The following DCUN1D5 variants were observed in gnomAD, a reference collection of about 807,000 sequenced individuals.
DCUN1D5 encodes defective in cullin neddylation 1 domain containing 5.
In DCUN1D5, 10 loss-of-function variants were observed where a neutral mutation model predicts 38.3. That is an observed-to-expected ratio of 0.26 (90% CI 0.16 to 0.44). DCUN1D5 has a LOEUF of 0.44. DCUN1D5 is among the 20% of genes least tolerant of loss of function. The probability of loss-of-function intolerance (pLI) is 1.00; values close to 1 mark genes in which losing one functional copy is unlikely to be tolerated. For synonymous variants in DCUN1D5, 93 were observed against 90.9 expected (o/e 1.02, Z -0.13); for missense variants, 148 against 275.3 (o/e 0.54, Z 3.27).
At chr11:103,072,343 T>TCTAGATCTAGATCTAGAA (rs540897212) in intron 4 of DCUN1D5, among the ~76,000 whole-genome samples, 5,457 of 82,580 alleles carry the variant, frequency 0.066, 296 homozygotes, top group African/African-American at 0.24. Flanking sequence ...TAGAACTAGA[T>TCTAGATCTAGATCTAGAA]CTAGATCTAG....
rs1313396365 is a variant in DCUN1D5 at position 103,089,141 on chromosome 11, C to T, written c.178+86G>A. The T allele has an allele frequency of 2.3e-6, 3 of 1,323,650 alleles. No homozygotes were observed. The African/African-American group carries it at 4.4e-5, about 19-fold the overall frequency. The allele number at this position is 1,323,650 out of a possible 1,614,324, so 82.0% of individuals were successfully genotyped here. A position where few individuals can be genotyped will look rare whatever the true frequency, so the allele number is the denominator to read the frequency against. ...GTACACAGCACTAACACATAGCAGG[C>T]CTGTAACAGATAATTTGTTAAATGA... On this transcript the variant is annotated intron_variant, in intron 2 of 7. Coordinates refer to ENST00000260247, the MANE Select transcript of DCUN1D5 (RefSeq NM_032299.4).
At chr11:103,067,917 G>A (rs754057369) in intron 4 of DCUN1D5, among the ~76,000 whole-genome samples, 5 of 151,690 alleles carry the variant, frequency 3.3e-5, no homozygotes, top group Non-Finnish European at 7.4e-5. Context: ...TTTCCCCCCC[G>A]TTTTTTGAAA....
chr11:103,052,570 C>T lies in DCUN1D5; in HGVS notation c.*9789G>A, dbSNP rs1315203467. The T allele has an allele frequency of 6.6e-6, 1 of 152,102 alleles. No homozygotes were observed. Among genetic ancestry groups the T allele is most frequent in the Non-Finnish European group, 1.5e-5 (1 of 68,010 alleles). 9.4% of individuals were successfully genotyped at this position (152,102 alleles called of 1,614,324 possible). Reference sequence around the variant, plus strand: ...GTGTAATAAGAGGGCATAGCAAAGCCTGGGCCTATGGATATTTATTGGATA... The same window carrying T: ...GTGTAATAAGAGGGCATAGCAAAGCTTGGGCCTATGGATATTTATTGGATA... On this transcript the variant is annotated 3_prime_UTR_variant, in exon 8 of 8. Coordinates refer to ENST00000260247, the MANE Select transcript of DCUN1D5 (RefSeq NM_032299.4).
chr11:103,089,139 G>C (rs1157378183), intron 2 of DCUN1D5, 88 bp downstream of exon 2: 2 of 1,310,742 alleles, frequency 1.5e-6, no homozygotes, highest in Non-Finnish European at 2.1e-6. Context: ...ACACATAGCA[G>C]GCCTGTAACA....
In DCUN1D5 at chr11:103,064,805, G is replaced by A. The variant is rs1055510428; in HGVS notation, c.556-428C>T. On this transcript the variant is annotated intron_variant, in intron 6 of 7. Coordinates refer to ENST00000260247, the MANE Select transcript of DCUN1D5 (RefSeq NM_032299.4). This position sits in a 1 kb window ranked among gnomAD's most constrained non-coding sequence, Gnocchi z 4.5. ...AAACAAGTGAAAGAGTATAGGCTTC[G>A]ATTTAAATCCCACCCTTGCCACTTA... is the stretch of plus-strand genomic sequence containing the variant. 1.3e-5 allele frequency among the ~76,000 whole-genome samples: 2 copies of A among 152,096 alleles called. No individual in the cohort carries two copies. The highest frequency in any genetic ancestry group is 4.8e-5 in the African/African-American group (2 of 41,414).
rs368888813 is a variant in DCUN1D5 at position 103,068,148 on chromosome 11, A to G, written c.342-1581T>C. Among the ~76,000 whole-genome samples, 75 of 152,272 alleles carry G rather than the reference A, an allele frequency of 4.9e-4. 5 individuals carry two copies. The East Asian group carries it at 6.0e-3, about 12-fold the overall frequency. ...AAATTTATAACATTTTCTAATTTGC[A>G]TTAGCATTATCTTCATCCCTTTTTT... On this transcript the variant is annotated intron_variant, in intron 4 of 7. Transcript: ENST00000260247.
At position 103,091,631 on chromosome 11, in the gene DCUN1D5, G is replaced by T; in HGVS notation, c.86+156C>A. On this transcript the variant is annotated intron_variant, in intron 1 of 7. Coordinates refer to ENST00000260247, the MANE Select transcript of DCUN1D5 (RefSeq NM_032299.4). This position sits in a 1 kb window ranked among gnomAD's most constrained non-coding sequence, Gnocchi z 4.3. ...TCGAACACGAGGTCGGGTCGGGCGC[G>T]GAGACTCGCGGTGTTCGGCACCTAC... 7.2e-7 allele frequency: 1 copy of T among 1,391,760 alleles called. No homozygotes were observed. The highest frequency in any genetic ancestry group is 9.9e-7 in the Non-Finnish European group (1 of 1,011,154). 86.2% of individuals were successfully genotyped at this position (1,391,760 alleles called of 1,614,324 possible).
At position 103,061,845 on chromosome 11, in the gene DCUN1D5, T is replaced by A. The variant is rs1862018982; in HGVS notation, c.*514A>T. Among the ~76,000 whole-genome samples the A allele has an allele frequency of 3.9e-5, 6 of 152,044 alleles. No individual in the cohort carries two copies. The highest frequency in any genetic ancestry group is 3.9e-4 in the Admixed American group (6 of 15,258). The stretch of plus-strand genomic sequence containing the variant: ...GGAGCATTTTTCCAATACCTAGAAA[T>A]GTTTATTAGCTGCATCAGCAAATCA... On this transcript the variant is annotated 3_prime_UTR_variant, in exon 8 of 8. Transcript: ENST00000260247.
intron 4 of DCUN1D5, among the ~76,000 whole-genome samples, chr11:103,072,890 T>C (rs1862315820): frequency 6.6e-6 from 1 of 152,090 alleles, no homozygotes; most frequent in South Asian, 2.1e-4. Context: ...ACATGTACCC[T>C]AGAACTTGAA....
At chr11:103,076,243 G>T (rs928178458) in intron 4 of DCUN1D5, among the ~76,000 whole-genome samples, 14 of 152,096 alleles carry the variant, frequency 9.2e-5, no homozygotes, top group African/African-American at 3.4e-4. Flanking sequence ...AAATAAAAGT[G>T]TGACCACCAA....
intron 4 of DCUN1D5, among the ~76,000 whole-genome samples, chr11:103,075,721 G>A (rs1862392930): frequency 6.6e-6 from 1 of 152,152 alleles, no homozygotes; most frequent in South Asian, 2.1e-4. Flanking sequence ...CGTTTTACAT[G>A]AGAAATGGTT....
At chr11:103,068,883 T>C (rs1862201951) in intron 4 of DCUN1D5, among the ~76,000 whole-genome samples, 1 of 152,168 alleles carries the variant, frequency 6.6e-6, no homozygotes, top group African/African-American at 2.4e-5. Context: ...ATGCATATTT[T>C]TGCTTTCAGT....
rs999353119 is a variant in DCUN1D5 at position 103,073,096 on chromosome 11, T to C, written c.342-6529A>G. Among the ~76,000 whole-genome samples, 2 of 152,070 alleles carry C rather than the reference T, an allele frequency of 1.3e-5. No individual in the cohort carries two copies. Among genetic ancestry groups the C allele is most frequent in the African/African-American group, 4.8e-5 (2 of 41,394 alleles). On this transcript the variant is annotated intron_variant, in intron 4 of 7. Coordinates refer to ENST00000260247, the MANE Select transcript of DCUN1D5 (RefSeq NM_032299.4). This position sits in a 1 kb window ranked among gnomAD's most constrained non-coding sequence, Gnocchi z 4.2. ...CAATTGTATTTCTATATATTAGTAA[T>C]GAACATGTGGACACTAAAATGTAAA... is the stretch of plus-strand genomic sequence containing the variant.
Position 103,062,363 on chromosome 11 carries a change from G to A in DCUN1D5, c.710C>T (p.Ser237Leu). The stretch of plus-strand genomic sequence containing the variant: ...ATTTTCTTCACATAGTTCTTGCTAT[G>A]ATGTCTGACGGACTTTTTGCCACTC... ...FVEWQKVRQT[S>L] Residue 237 changes from serine to leucine, a missense_variant, in exon 8 of 8, where the codon TCA becomes TTA. Transcript: ENST00000260247. This position sits in a 1 kb window ranked among gnomAD's most constrained non-coding sequence, Gnocchi z 4.6. The A allele has an allele frequency of 6.2e-7, 1 of 1,613,444 alleles. No homozygotes were observed. Among genetic ancestry groups the A allele is most frequent in the Non-Finnish European group, 8.5e-7 (1 of 1,179,560 alleles).
intron 4 of DCUN1D5, among the ~76,000 whole-genome samples, chr11:103,067,725 G>C (rs1422731258): frequency 6.6e-6 from 1 of 152,068 alleles, no homozygotes; most frequent in African/African-American, 2.4e-5. Flanking sequence ...ATTAAACCTT[G>C]CATTTCTAGA....
At chr11:103,076,096 T>C (rs553172101) in intron 4 of DCUN1D5, among the ~76,000 whole-genome samples, 1 of 152,310 alleles carries the variant, frequency 6.6e-6, no homozygotes, top group South Asian at 2.1e-4. Flanking sequence ...GCTTGAGACT[T>C]AAGTGTTAAG....
chr11:103,084,583 A>G (rs1228864629), intron 2 of DCUN1D5, among the ~76,000 whole-genome samples: 1 of 152,250 alleles, frequency 6.6e-6, no homozygotes, highest in East Asian at 1.9e-4. Context: ...TGTTTAAATG[A>G]GAATGTGTTA....
At position 103,050,814 on chromosome 11, in the gene DCUN1D5, CAAG is replaced by C. The variant is rs1487292193; in HGVS notation, c.*11542_*11544del. The C allele has an allele frequency of 1.3e-5, 2 of 152,182 alleles. No individual in the cohort carries two copies. Among genetic ancestry groups the C allele is most frequent in the Non-Finnish European group, 2.9e-5 (2 of 68,032 alleles). The allele number at this position is 152,182 out of a possible 1,614,324, so 9.4% of individuals were successfully genotyped here. A position where few individuals can be genotyped will look rare whatever the true frequency, so the allele number is the denominator to read the frequency against. On this transcript the variant is annotated 3_prime_UTR_variant, in exon 8 of 8. Transcript: ENST00000260247. The stretch of plus-strand genomic sequence containing the variant: ...AGCAAAAACACACAGTCCCTGCTCT[CAAG>C]GAGCTCACAGTTAAGAAAACAGATA...
Position 103,062,537 on chromosome 11 carries a change from T to C in DCUN1D5, c.659-123A>G. 1.3e-6 allele frequency: 1 copy of C among 780,174 alleles called. No individual in the cohort carries two copies. Among genetic ancestry groups the C allele is most frequent in the Non-Finnish European group, 2.1e-6 (1 of 474,672 alleles). The allele number at this position is 780,174 out of a possible 1,614,324, so 48.3% of individuals were successfully genotyped here. ...CCCTTCCTTTCTTTGGGTGTTCTGC[T>C]TCTAGACACCTTATTCCATTTAATG... is the stretch of plus-strand genomic sequence containing the variant. On this transcript the variant is annotated intron_variant, in intron 7 of 7. Transcript: ENST00000260247. The surrounding 1 kb of genome is among the most constrained non-coding windows in gnomAD (Gnocchi z 4.6).
Sources: gnomAD v4.1 joint callset for allele counts (sites outside exome capture counted in the v4.1 genomes callset) on GRCh38, gnomAD v4.1.1 for gene constraint, Gnocchi (gnomAD v3.1) non-coding constraint, MANE v1.5 for transcripts, NCBI Gene and HGNC (gene_info 2026-07-23, HGNC 2026-07-21) for gene names.